Variants in PTH2R observed in about 807,000 individuals in gnomAD.
PTH2R encodes the protein PTH2 receptor.
In PTH2R, 59 loss-of-function variants were observed where a neutral mutation model predicts 60.3. The observed-to-expected ratio is 0.98, with a 90% CI of 0.79 to 1.22. The LOEUF (loss-of-function observed/expected upper bound fraction) is 1.22, where lower values mean the gene tolerates loss of function less well. Among genes scored for constraint, PTH2R ranks in the 50% most tolerant of loss-of-function variants. PTH2R has a pLI of 0.00. For missense variants in PTH2R, 749 were observed against 682.6 expected (o/e 1.10, Z -1.08); for synonymous variants, 256 against 243.8 (o/e 1.05, Z -0.47).
At chr2:208,454,290 T>C (rs1483150429) in intron 8 of PTH2R, among the ~76,000 whole-genome samples, 1 of 152,222 alleles carries the variant, frequency 6.6e-6, no homozygotes, top group Non-Finnish European at 1.5e-5. Context: ...GAATTATGTC[T>C]CCCAAAATTC....
At chr2:208,367,860 C>T (rs541875203) in intron 1 of PTH2R, among the ~76,000 whole-genome samples, 38 of 152,266 alleles carry the variant, frequency 2.5e-4, no homozygotes, top group African/African-American at 7.5e-4. Flanking sequence ...TTCTGGACTC[C>T]CTTACTCACC....
At chr2:208,370,004 G>A (rs1700664178) in intron 1 of PTH2R, among the ~76,000 whole-genome samples, 1 of 152,090 alleles carries the variant, frequency 6.6e-6, no homozygotes, top group Non-Finnish European at 1.5e-5. Flanking sequence ...CCATTTACAA[G>A]TTAGCAGTGT....
At chr2:208,439,084 A>T (rs1702132860) in intron 4 of PTH2R, among the ~76,000 whole-genome samples, 1 of 152,134 alleles carries the variant, frequency 6.6e-6, no homozygotes, top group Non-Finnish European at 1.5e-5. Flanking sequence ...GTACTCTGTG[A>T]TTATCTTCAT....
intron 1 of PTH2R, among the ~76,000 whole-genome samples, chr2:208,395,303 T>A (rs1284133080): frequency 1.3e-5 from 2 of 152,016 alleles, no homozygotes; most frequent in African/African-American, 4.8e-5. Context: ...CGCCTCAGCC[T>A]CCCAAAGTGC....
intron 1 of PTH2R, among the ~76,000 whole-genome samples, chr2:208,362,359 A>G (rs942631521): frequency 5.9e-5 from 9 of 152,230 alleles, no homozygotes; most frequent in African/African-American, 2.2e-4. Flanking sequence ...TATAATTCAT[A>G]TAGATATGAT....
Position 208,437,815 on chromosome 2 carries a change from A to C in PTH2R, c.345A>C (p.Leu115Phe). 1 of 1,613,960 alleles carries C rather than the reference A, an allele frequency of 6.2e-7. No homozygotes were observed. The highest frequency in any genetic ancestry group is 2.2e-5 in the East Asian group (1 of 44,866). Reference sequence around the variant, plus strand: ...GAACATGGGATTTTATGCACAGCTTAAATAAAACATGGGCCAATTATTCAG... The same window carrying C: ...GAACATGGGATTTTATGCACAGCTTCAATAAAACATGGGCCAATTATTCAG... Reference protein sequence around the residue: ...PNGTWDFMHSLNKTWANYSDC... With the variant: ...PNGTWDFMHSFNKTWANYSDC... Residue 115 changes from leucine (L) to phenylalanine (F), a missense_variant, in exon 4 of 13, where the codon TTA (leucine) becomes TTC (phenylalanine). Physicochemically the swap from Leu to Phe is conservative, Grantham distance 22. Coordinates refer to ENST00000272847, the MANE Select transcript of PTH2R (RefSeq NM_005048.4).
At chr2:208,484,511 T>G (rs1294523826) in intron 10 of PTH2R, among the ~76,000 whole-genome samples, 2 of 152,192 alleles carry the variant, frequency 1.3e-5, no homozygotes, top group Non-Finnish European at 2.9e-5. Flanking sequence ...TCTATTAGAT[T>G]TAATAAGATG....
intron 1 of PTH2R, among the ~76,000 whole-genome samples, chr2:208,418,924 T>C (rs1701696068): frequency 6.6e-6 from 1 of 152,244 alleles, no homozygotes; most frequent in Admixed American, 6.5e-5. Context: ...TCTAATATTT[T>C]ACATGTATAA....
intron 1 of PTH2R, among the ~76,000 whole-genome samples, chr2:208,373,147 T>C (rs1191312901): frequency 6.6e-6 from 1 of 152,044 alleles, no homozygotes; most frequent in Non-Finnish European, 1.5e-5. Flanking sequence ...TGTCTTTGGC[T>C]AAAACAAAAG....
At chr2:208,435,803 G>C (rs1404950021) in intron 2 of PTH2R, among the ~76,000 whole-genome samples, 1 of 152,240 alleles carries the variant, frequency 6.6e-6, no homozygotes, top group African/African-American at 2.4e-5. Flanking sequence ...GAGTCCAGCA[G>C]ACTGTTGACC....
intron 1 of PTH2R, among the ~76,000 whole-genome samples, chr2:208,391,133 TTAAA>T (rs1294128242): frequency 6.6e-6 from 1 of 152,120 alleles, no homozygotes; most frequent in Non-Finnish European, 1.5e-5. Flanking sequence ...ATCTCCTGGG[TTAAA>T]TAGAGTGGTC....
intron 9 of PTH2R, among the ~76,000 whole-genome samples, chr2:208,461,490 A>G (rs1047566438): frequency 6.6e-6 from 1 of 152,054 alleles, no homozygotes; most frequent in East Asian, 1.9e-4. Flanking sequence ...TAAGGGAACA[A>G]TCTTTATCTT....
chr2:208,407,835 T>C (rs567756787), intron 1 of PTH2R, among the ~76,000 whole-genome samples: 19 of 152,298 alleles, frequency 1.2e-4, no homozygotes, highest in African/African-American at 4.3e-4. Context: ...GTGGATGTTA[T>C]GCAGTTCAAG....
At chr2:208,359,698 C>G (rs148270209), upstream of PTH2R, 1 of 152,580 alleles carries the variant, frequency 6.6e-6, no homozygotes, top group Non-Finnish European at 1.5e-5. Context: ...CAGGGCTCTC[C>G]GCTGCCAGTG....
chr2:208,405,640 TTA>T (rs908447199), upstream of PTH2R, among the ~76,000 whole-genome samples: 2 of 152,134 alleles, frequency 1.3e-5, no homozygotes, highest in Non-Finnish European at 2.9e-5. Context: ...TCCTTGGACT[TTA>T]TGTTTGTTTA....
intron 1 of PTH2R, chr2:208,361,493 T>C (rs1700472654): frequency 6.6e-6 from 1 of 152,230 alleles, no homozygotes; most frequent in Non-Finnish European, 1.5e-5. Context: ...ATCTTAACCA[T>C]TTTTTAATTA....
At chr2:208,433,202 T>C (rs1702006935) in intron 2 of PTH2R, among the ~76,000 whole-genome samples, 1 of 152,228 alleles carries the variant, frequency 6.6e-6, no homozygotes, top group African/African-American at 2.4e-5. Context: ...GTGAAGCATG[T>C]AGATAAATAA....
intron 10 of PTH2R, among the ~76,000 whole-genome samples, chr2:208,488,566 T>C (rs1190583891): frequency 2.6e-5 from 4 of 152,006 alleles, no homozygotes; most frequent in African/African-American, 9.7e-5. Context: ...GGCTAGCAAT[T>C]ACAGGGAGTG....
rs772460752 is a variant in PTH2R, at chr2:208,442,421, G to A, written c.469G>A (p.Gly157Ser). 1 of 1,613,398 alleles carries A rather than the reference G, an allele frequency of 6.2e-7. No individual in the cohort carries two copies. Among genetic ancestry groups the A allele is most frequent in the Non-Finnish European group, 8.5e-7 (1 of 1,179,448 alleles). ...MYTVGYSISF[G>S]SLAVAILIIG... ...TACCGTTGGCTACTCCATCTCTTTTGGTTCCTTGGCTGTGGCTATTCTCAT... is the reference window on the plus strand; with the variant it reads ...TACCGTTGGCTACTCCATCTCTTTTAGTTCCTTGGCTGTGGCTATTCTCAT... Residue 157 changes from glycine (G) to serine (S), a missense_variant, in exon 5 of 13, where the codon GGT becomes AGT. Physicochemically the swap from Gly to Ser is moderately conservative, Grantham distance 56. Transcript: ENST00000272847.
Sources: gnomAD v4.1 joint callset for allele counts (sites outside exome capture counted in the v4.1 genomes callset) on GRCh38, gnomAD v4.1.1 for gene constraint, MANE v1.5 for transcripts, NCBI Gene and HGNC (gene_info 2026-07-23, HGNC 2026-07-21) for gene names.